GJB4: variants seen among roughly 807,000 people sequenced by gnomAD.
GJB4 encodes gap junction beta-4 protein.
For synonymous variants in GJB4, 162 were observed against 158.1 expected (o/e 1.02, Z -0.18); for missense variants, 371 against 363.8 (o/e 1.02, Z -0.16).
Position 34,761,698 on chromosome 1 carries a change from C to T in GJB4, c.444C>T (p.Ile148=). ...CCGTGGATGCTGGCTTCCTCTATAT[C>T]TTCCACCGCCTCTACAAGGATTATG... ...KAAVDAGFLY[I]FHRLYKDYDM... The change falls in exon 2 of 2, where the codon ATC becomes ATT. Residue 148 remains isoleucine (I), a synonymous_variant. Coordinates refer to ENST00000339480, the MANE Select transcript of GJB4 (RefSeq NM_153212.3). This position sits in a 1 kb window ranked among gnomAD's most constrained non-coding sequence, Gnocchi z 4.4. The T allele has an allele frequency of 6.2e-7, 1 of 1,614,150 alleles. No homozygotes were observed. Among genetic ancestry groups the T allele is most frequent in the East Asian group, 2.2e-5 (1 of 44,884 alleles).
Position 34,762,322 on chromosome 1 carries a change from C to T in GJB4, c.*267C>T. 1.9e-6 allele frequency: 1 copy of T among 534,610 alleles called. No individual in the cohort carries two copies. The highest frequency in any genetic ancestry group is 3.5e-6 in the Non-Finnish European group (1 of 285,110). The allele number at this position is 534,610 out of a possible 1,614,324, so 33.1% of individuals were successfully genotyped here. A position where few individuals can be genotyped will look rare whatever the true frequency, so the allele number is the denominator to read the frequency against. On this transcript the variant is annotated 3_prime_UTR_variant, in exon 2 of 2. Transcript: ENST00000339480. ...AAACCTCTTAATAAATATGATTTTC[C>T]CAGTACTTTGCAGACCAGGTGGGGA...
rs773421859 is a variant in GJB4 at position 34,761,549 on chromosome 1, G to A, written c.295G>A (p.Glu99Lys). 54 of 1,614,062 alleles carry A rather than the reference G, an allele frequency of 3.3e-5. No homozygotes were observed. In the Middle Eastern group the frequency reaches 6.6e-4, roughly 20 times the overall value. ...LLVVMHVAYR[E>K]ERERKHHLKH... ...CGTGGTCATGCACGTGGCCTACCGC[G>A]AGGAACGCGAGCGCAAGCACCACCT... The change falls in exon 2 of 2, where the codon GAG becomes AAG. Residue 99 changes from glutamate (E) to lysine (K), a missense_variant. Physicochemically the swap from Glu to Lys is moderately conservative, Grantham distance 56 (BLOSUM62 1). Coordinates refer to ENST00000339480, the MANE Select transcript of GJB4 (RefSeq NM_153212.3). The surrounding 1 kb of genome is among the most constrained non-coding windows in gnomAD (Gnocchi z 4.4).
At position 34,761,024 on chromosome 1, in the gene GJB4, G is replaced by C; in HGVS notation, c.-231G>C. ...TGTGGACCATTGGGCAGGTATCTCT[G>C]GGCCTTCACTTACTCTTTGTGAAAT... On this transcript the variant is annotated 5_prime_UTR_variant, in exon 2 of 2. Transcript: ENST00000339480. This position sits in a 1 kb window ranked among gnomAD's most constrained non-coding sequence, Gnocchi z 4.4. 1.7e-6 allele frequency: 1 copy of C among 599,928 alleles called. No homozygotes were observed. Among genetic ancestry groups the C allele is most frequent in the Non-Finnish European group, 3.0e-6 (1 of 332,204 alleles). 37.2% of individuals were successfully genotyped at this position (599,928 alleles called of 1,614,324 possible). A position where few individuals can be genotyped will look rare whatever the true frequency, so the allele number is the denominator to read the frequency against.
Position 34,760,932 on chromosome 1 carries a change from G to A in GJB4, c.-322-1G>A, listed in dbSNP as rs1163748382. On this transcript the variant is annotated splice_acceptor_variant, in intron 1 of 1. Transcript: ENST00000339480. LOFTEE classifies it low-confidence loss of function (5UTR_SPLICE). ...CTTCACATGTATCTATTACCTTGTA[G>A]AATAAGGTAGACCCTGATTTTGGAA... 2.3e-6 allele frequency: 1 copy of A among 441,160 alleles called. No homozygotes were observed. Among genetic ancestry groups the A allele is most frequent in the Admixed American group, 3.4e-5 (1 of 29,070 alleles). 27.3% of individuals were successfully genotyped at this position (441,160 alleles called of 1,614,324 possible). A position where few individuals can be genotyped will look rare whatever the true frequency, so the allele number is the denominator to read the frequency against.
At position 34,761,949 on chromosome 1, in the gene GJB4, A is replaced by G. The variant is rs769791668; in HGVS notation, c.695A>G (p.Asp232Gly). Residue 232 changes from aspartate (D) to glycine (G), a missense_variant, in exon 2 of 2, where the codon GAT becomes GGT. Physicochemically the swap from Asp to Gly is moderately conservative, Grantham distance 94. Coordinates refer to ENST00000339480, the MANE Select transcript of GJB4 (RefSeq NM_153212.3). The surrounding 1 kb of genome is among the most constrained non-coding windows in gnomAD (Gnocchi z 4.4). ...RRPRCRECLP[D>G]TCPPYVLSQG... ...CCTCGGTGCCGGGAATGCCTACCCG[A>G]TACGTGCCCACCATATGTCCTCTCC... 26 of 1,614,094 alleles carry G rather than the reference A, an allele frequency of 1.6e-5. No individual in the cohort carries two copies. In the South Asian group the frequency reaches 2.7e-4, roughly 17 times the overall value.
chr1:34,761,450 G>A lies in GJB4; in HGVS notation c.196G>A (p.Asp66Asn), dbSNP rs763460370. ...KQPGCPNVCY[D>N]EFFPVSHVRL... ...GCCCGGCTGCCCCAACGTCTGCTAT[G>A]ACGAGTTCTTCCCCGTGTCCCACGT... Residue 66 changes from aspartate (D) to asparagine (N), a missense_variant, in exon 2 of 2, where the codon GAC (aspartate) becomes AAC (asparagine). By Grantham distance (23) the Asp-to-Asn change is conservative. Coordinates refer to ENST00000339480, the MANE Select transcript of GJB4 (RefSeq NM_153212.3). The surrounding 1 kb of genome is among the most constrained non-coding windows in gnomAD (Gnocchi z 4.4). The A allele has an allele frequency of 1.2e-6, 2 of 1,614,184 alleles. No individual in the cohort carries two copies. The highest frequency in any genetic ancestry group is 1.7e-6 in the Non-Finnish European group (2 of 1,180,008).
intron 1 of GJB4, among the ~76,000 whole-genome samples, chr1:34,760,108 C>A (rs1006863476): frequency 6.6e-6 from 1 of 152,190 alleles, no homozygotes; most frequent in Non-Finnish European, 1.5e-5. Context: ...CCTCTAGCAG[C>A]TGACAGCCTG....
chr1:34,762,029 C>A lies in GJB4; in HGVS notation c.775C>A (p.Pro259Thr). The change falls in exon 2 of 2, where the codon CCA becomes ACA. Residue 259 changes from proline (P) to threonine (T), a missense_variant. Physicochemically the swap from Pro to Thr is conservative, Grantham distance 38 (BLOSUM62 -1). Transcript: ENST00000339480. ...NSVLMKAGSA[P>T]VDAGGYP ...TGTCCTAATGAAGGCTGGGTCGGCC[C>A]CAGTGGATGCAGGTGGGTATCCATA... 1 of 1,613,704 alleles carries A rather than the reference C, an allele frequency of 6.2e-7. No individual in the cohort carries two copies. Among genetic ancestry groups the A allele is most frequent in the Non-Finnish European group, 8.5e-7 (1 of 1,179,866 alleles).
At position 34,761,674 on chromosome 1, in the gene GJB4, C is replaced by T. The variant is rs370157756; in HGVS notation, c.420C>T (p.Ala140=). 42 of 1,614,090 alleles carry T rather than the reference C, an allele frequency of 2.6e-5. No individual in the cohort carries two copies. In the Middle Eastern group the frequency reaches 9.9e-4, roughly 38 times the overall value. The change falls in exon 2 of 2, where the codon GCC becomes GCT. Residue 140 remains alanine (A), a synonymous_variant. Coordinates refer to ENST00000339480, the MANE Select transcript of GJB4 (RefSeq NM_153212.3). This position sits in a 1 kb window ranked among gnomAD's most constrained non-coding sequence, Gnocchi z 4.4. The stretch of plus-strand genomic sequence containing the variant: ...TGCTGAGCCTCATCTTCAAGGCCGC[C>T]GTGGATGCTGGCTTCCTCTATATCT... ...TYLLSLIFKA[A]VDAGFLYIFH... is the part of the protein sequence containing the mutation.
chr1:34,760,346 T>C (rs546545241), intron 1 of GJB4, among the ~76,000 whole-genome samples: 2 of 151,598 alleles, frequency 1.3e-5, no homozygotes, highest in South Asian at 4.2e-4. Flanking sequence ...TGAGAGGAAA[T>C]AATGGAAATG....
In GJB4 at chr1:34,761,678, G is replaced by A. The variant is rs561459140; in HGVS notation, c.424G>A (p.Asp142Asn). Residue 142 changes from aspartate to asparagine, a missense_variant, in exon 2 of 2, where the codon GAT becomes AAT. By Grantham distance (23) the Asp-to-Asn change is conservative (BLOSUM62 1). Transcript: ENST00000339480. The surrounding 1 kb of genome is among the most constrained non-coding windows in gnomAD (Gnocchi z 4.4). ...LLSLIFKAAV[D>N]AGFLYIFHRL... ...GAGCCTCATCTTCAAGGCCGCCGTGGATGCTGGCTTCCTCTATATCTTCCA... is the reference window on the plus strand; with the variant it reads ...GAGCCTCATCTTCAAGGCCGCCGTGAATGCTGGCTTCCTCTATATCTTCCA... The A allele has an allele frequency of 1.1e-5, 17 of 1,614,226 alleles. No homozygotes were observed. In the African/African-American group the frequency reaches 2.1e-4, roughly 20 times the overall value.
Position 34,761,604 on chromosome 1 carries a change from A to T in GJB4, c.350A>T (p.Tyr117Phe). ...CACGGGCCCAATGCCCCGTCCCTGTACGACAACCTGAGCAAGAAGCGGGGC... is the reference window on the plus strand; with the variant it reads ...CACGGGCCCAATGCCCCGTCCCTGTTCGACAACCTGAGCAAGAAGCGGGGC... ...LKHGPNAPSLYDNLSKKRGGL... is the reference protein window; with the variant it reads ...LKHGPNAPSLFDNLSKKRGGL... The change falls in exon 2 of 2, where the codon TAC becomes TTC. Residue 117 changes from tyrosine to phenylalanine, a missense_variant. Transcript: ENST00000339480. This position sits in a 1 kb window ranked among gnomAD's most constrained non-coding sequence, Gnocchi z 4.4. The T allele has an allele frequency of 1.2e-6, 2 of 1,614,212 alleles. No individual in the cohort carries two copies. Among genetic ancestry groups the T allele is most frequent in the Non-Finnish European group, 1.7e-6 (2 of 1,180,034 alleles).
rs556066067 is a variant in GJB4 at position 34,762,018 on chromosome 1, C to T, written c.764C>T (p.Ala255Val). ...GATGGGAACTCTGTCCTAATGAAGG[C>T]TGGGTCGGCCCCAGTGGATGCAGGT... ...PEDGNSVLMK[A>V]GSAPVDAGGY... The change falls in exon 2 of 2, where the codon GCT (alanine) becomes GTT (valine). Residue 255 changes from alanine (A) to valine (V), a missense_variant. By Grantham distance (64) the Ala-to-Val change is moderately conservative (BLOSUM62 0). Transcript: ENST00000339480. 1 of 1,614,036 alleles carries T rather than the reference C, an allele frequency of 6.2e-7. No homozygotes were observed. The highest frequency in any genetic ancestry group is 2.2e-5 in the East Asian group (1 of 44,874).
rs756918766 is a variant in GJB4 at position 34,761,568 on chromosome 1, A to G, written c.314A>G (p.His105Arg). ...VAYREERERK[H>R]HLKHGPNAPS... ...TACCGCGAGGAACGCGAGCGCAAGCACCACCTGAAACACGGGCCCAATGCC... is the reference window on the plus strand; with the variant it reads ...TACCGCGAGGAACGCGAGCGCAAGCGCCACCTGAAACACGGGCCCAATGCC... The change falls in exon 2 of 2, where the codon CAC becomes CGC. Residue 105 changes from histidine to arginine, a missense_variant. Physicochemically the swap from His to Arg is conservative, Grantham distance 29. Transcript: ENST00000339480. This position sits in a 1 kb window ranked among gnomAD's most constrained non-coding sequence, Gnocchi z 4.4. 45 of 1,614,208 alleles carry G rather than the reference A, an allele frequency of 2.8e-5. No homozygotes were observed. The Middle Eastern group carries it at 9.9e-4, about 36-fold the overall frequency.
At position 34,761,496 on chromosome 1, in the gene GJB4, T is replaced by C; in HGVS notation, c.242T>C (p.Leu81Pro). Residue 81 changes from leucine to proline, a missense_variant, in exon 2 of 2, where the codon CTC (leucine) becomes CCC (proline). Physicochemically the swap from Leu to Pro is moderately conservative, Grantham distance 98. Coordinates refer to ENST00000339480, the MANE Select transcript of GJB4 (RefSeq NM_153212.3). The surrounding 1 kb of genome is among the most constrained non-coding windows in gnomAD (Gnocchi z 4.4). ...CACGTGCGCCTCTGGGCCCTACAGC[T>C]CATCCTGGTCACGTGCCCCTCACTG... ...VSHVRLWALQ[L>P]ILVTCPSLLV... 1 of 1,614,126 alleles carries C rather than the reference T, an allele frequency of 6.2e-7. No homozygotes were observed.
At position 34,762,090 on chromosome 1, in the gene GJB4, C is replaced by A; in HGVS notation, c.*35C>A. ...TCAGCAGATAAGATCAACAGGTCCC[C>A]CCCACATGAGGCCACCCAGGAAAAA... On this transcript the variant is annotated 3_prime_UTR_variant, in exon 2 of 2. Coordinates refer to ENST00000339480, the MANE Select transcript of GJB4 (RefSeq NM_153212.3). 1 of 1,569,246 alleles carries A rather than the reference C, an allele frequency of 6.4e-7. No homozygotes were observed. The highest frequency in any genetic ancestry group is 1.2e-5 in the South Asian group (1 of 86,880).
Position 34,761,705 on chromosome 1 carries a change from C to A in GJB4, c.451C>A (p.Arg151Ser), listed in dbSNP as rs78499418. The change falls in exon 2 of 2, where the codon CGC becomes AGC. Residue 151 changes from arginine to serine, a missense_variant. Physicochemically the swap from Arg to Ser is moderately radical, Grantham distance 110. Coordinates refer to ENST00000339480, the MANE Select transcript of GJB4 (RefSeq NM_153212.3). This position sits in a 1 kb window ranked among gnomAD's most constrained non-coding sequence, Gnocchi z 4.4. The stretch of plus-strand genomic sequence containing the variant: ...TGCTGGCTTCCTCTATATCTTCCAC[C>A]GCCTCTACAAGGATTATGACATGCC... ...VDAGFLYIFHRLYKDYDMPRV... is the reference protein window; with the variant it reads ...VDAGFLYIFHSLYKDYDMPRV... The A allele has an allele frequency of 9.9e-3, 15,912 of 1,614,148 alleles. 822 individuals carry two copies. In the Admixed American group the frequency reaches 0.11, roughly 11 times the overall value.
chr1:34,761,368 G>A lies in GJB4; in HGVS notation c.114G>A (p.Val38=). ...TCTTTCGTGTGCTGGTGTACGTGGTGGCAGCGGAGGAGGTGTGGGACGATG... is the reference window on the plus strand; with the variant it reads ...TCTTTCGTGTGCTGGTGTACGTGGTAGCAGCGGAGGAGGTGTGGGACGATG... ...VFIFRVLVYV[V]AAEEVWDDEQ... Residue 38 remains valine, a synonymous_variant, in exon 2 of 2, where the codon GTG becomes GTA. Coordinates refer to ENST00000339480, the MANE Select transcript of GJB4 (RefSeq NM_153212.3). The surrounding 1 kb of genome is among the most constrained non-coding windows in gnomAD (Gnocchi z 4.4). The A allele has an allele frequency of 6.2e-7, 1 of 1,614,032 alleles. No homozygotes were observed. Among genetic ancestry groups the A allele is most frequent in the Non-Finnish European group, 8.5e-7 (1 of 1,179,874 alleles).
Position 34,761,167 on chromosome 1 carries a change from C to T in GJB4, c.-88C>T. On this transcript the variant is annotated 5_prime_UTR_variant, in exon 2 of 2. Coordinates refer to ENST00000339480, the MANE Select transcript of GJB4 (RefSeq NM_153212.3). The surrounding 1 kb of genome is among the most constrained non-coding windows in gnomAD (Gnocchi z 4.4). Reference sequence around the variant, plus strand: ...ATTAAGGGTGCCCATCTCCAGGTTCCCCCAGGCCTCAAGGCTCCCAAGGCC... The same window carrying T: ...ATTAAGGGTGCCCATCTCCAGGTTCTCCCAGGCCTCAAGGCTCCCAAGGCC... 3 of 1,326,898 alleles carry T rather than the reference C, an allele frequency of 2.3e-6. No individual in the cohort carries two copies. Among genetic ancestry groups the T allele is most frequent in the South Asian group, 2.4e-5 (2 of 82,070 alleles). The allele number at this position is 1,326,898 out of a possible 1,614,324, so 82.2% of individuals were successfully genotyped here.
Sources: allele counts gnomAD v4.1 joint callset (sites outside exome capture counted in the v4.1 genomes callset), GRCh38; gene constraint gnomAD v4.1.1; non-coding constraint Gnocchi (gnomAD v3.1); transcripts MANE v1.5; gene names NCBI Gene and HGNC (gene_info 2026-07-23, HGNC 2026-07-21).